The following CPQ variants were observed in gnomAD, a reference collection of about 807,000 sequenced individuals.
CPQ encodes Ser-Met dipeptidase.
CPQ carries 37 observed loss-of-function variants against 45.7 expected under a neutral mutation model. That is an observed-to-expected ratio of 0.81 (90% CI 0.62 to 1.07). The LOEUF is 1.07. Among genes scored for constraint, CPQ ranks in the 50% least tolerant of loss-of-function variants. CPQ has a pLI of 0.00. For missense variants in CPQ, 537 were observed against 572.9 expected, an observed-to-expected ratio of 0.94 and a Z score of 0.64; for synonymous variants, 186 against 205.8, an observed-to-expected ratio of 0.90 and a Z score of 0.82.
At chr8:97,064,643 A>G (rs1356807782) in intron 6 of CPQ, among the ~76,000 whole-genome samples, 7 of 152,228 alleles carry the variant, frequency 4.6e-5, no homozygotes, top group African/African-American at 9.6e-5. Flanking sequence ...TGCCGGCAAC[A>G]TCTTTCTTTA....
At chr8:96,885,542 G>T (rs2130885378) in intron 4 of CPQ, among the ~76,000 whole-genome samples, 1 of 152,318 alleles carries the variant, frequency 6.6e-6, no homozygotes, top group East Asian at 1.9e-4. Context: ...CAGTTAGCAT[G>T]TAAATAATCC....
rs889752298 is a variant in CPQ, at chr8:96,751,082, T to C, written c.-34-33782T>C. Among the ~76,000 whole-genome samples, 75 of 152,218 alleles carry C rather than the reference T, an allele frequency of 4.9e-4. 1 individual carries two copies. The highest frequency in any genetic ancestry group is 7.3e-5 in the Non-Finnish European group (5 of 68,036). ...TCCATGTCTTTGCTGTTGTGAATAG[T>C]GCTGCAATGAACATATATGTGCATG... On this transcript the variant is annotated intron_variant, in intron 1 of 7. Transcript: ENST00000220763.
chr8:96,914,029 A>G (rs1330512694), intron 4 of CPQ, among the ~76,000 whole-genome samples: 1 of 151,978 alleles, frequency 6.6e-6, no homozygotes, highest in Admixed American at 6.6e-5. Flanking sequence ...AAGTTGAGAT[A>G]TGTAGACAAA....
At position 97,010,650 on chromosome 8, in the gene CPQ, C is replaced by T. The variant is rs78510021; in HGVS notation, c.962-18753C>T. Reference sequence around the variant, plus strand: ...AAATACTTTCACAGTTATGTAATCGCTCTCCACAAATTCACTCTTTGATCA... The same window carrying T: ...AAATACTTTCACAGTTATGTAATCGTTCTCCACAAATTCACTCTTTGATCA... On this transcript the variant is annotated intron_variant, in intron 5 of 7. Coordinates refer to ENST00000220763, the MANE Select transcript of CPQ (RefSeq NM_016134.4). Among the ~76,000 whole-genome samples the T allele has an allele frequency of 1.9e-3, 288 of 152,240 alleles. 1 individual carries two copies. The highest frequency in any genetic ancestry group is 6.5e-3 in the African/African-American group (268 of 41,540).
intron 5 of CPQ, among the ~76,000 whole-genome samples, chr8:96,972,978 T>C (rs1422989365): frequency 6.6e-6 from 1 of 152,008 alleles, no homozygotes; most frequent in Admixed American, 6.6e-5. Context: ...ACAAGTTTCT[T>C]TTACATCCCC....
chr8:96,767,855 G>C (rs1365168589), intron 1 of CPQ, among the ~76,000 whole-genome samples: 1 of 151,828 alleles, frequency 6.6e-6, no homozygotes, highest in African/African-American at 2.4e-5. Flanking sequence ...TGTTGGCCAG[G>C]CTGGTCTCGA....
intron 2 of CPQ, among the ~76,000 whole-genome samples, chr8:96,796,573 T>C (rs1194242532): frequency 6.6e-6 from 1 of 152,188 alleles, no homozygotes; most frequent in Non-Finnish European, 1.5e-5. Context: ...CAAAGTTGAC[T>C]AATTTCCACT....
At chr8:96,829,510 A>G (rs1207296406) in intron 2 of CPQ, among the ~76,000 whole-genome samples, 1 of 152,144 alleles carries the variant, frequency 6.6e-6, no homozygotes, top group Non-Finnish European at 1.5e-5. Flanking sequence ...AAAAGTTGGA[A>G]GATCATAGAG....
chr8:96,957,188 G>C (rs1369314193), intron 4 of CPQ, among the ~76,000 whole-genome samples: 1 of 152,180 alleles, frequency 6.6e-6, no homozygotes, highest in African/African-American at 2.4e-5. Context: ...TGGAACTTGA[G>C]GTGATTGACT....
intron 1 of CPQ, among the ~76,000 whole-genome samples, chr8:96,776,842 T>C (rs1810611118): frequency 6.6e-6 from 1 of 152,188 alleles, no homozygotes; most frequent in Non-Finnish European, 1.5e-5. Flanking sequence ...TTTGAATATA[T>C]AACTTCTGAA....
chr8:97,084,653 A>T (rs924727707), intron 7 of CPQ, among the ~76,000 whole-genome samples: 1 of 152,186 alleles, frequency 6.6e-6, no homozygotes, highest in Admixed American at 6.5e-5. Context: ...GTGTCTCCCT[A>T]TGCCTTGGTT....
intron 4 of CPQ, among the ~76,000 whole-genome samples, chr8:96,950,595 C>T (rs1471961293): frequency 2.0e-5 from 3 of 152,232 alleles, no homozygotes; most frequent in East Asian, 3.9e-4. Flanking sequence ...TCCCAGCCCC[C>T]TACCACCAGG....
At chr8:96,726,760 C>T (rs1809847492) in intron 1 of CPQ, among the ~76,000 whole-genome samples, 1 of 152,076 alleles carries the variant, frequency 6.6e-6, no homozygotes, top group South Asian at 2.1e-4. Flanking sequence ...ACCACATCAT[C>T]ATGGGAGTGG....
chr8:97,006,746 A>G (rs1650784517), intron 5 of CPQ, among the ~76,000 whole-genome samples: 2 of 152,180 alleles, frequency 1.3e-5, no homozygotes, highest in African/African-American at 4.8e-5. Context: ...CTGGCAACCC[A>G]GGAGGACCCA....
intron 3 of CPQ, among the ~76,000 whole-genome samples, chr8:96,852,657 G>T (rs1000287285): frequency 3.9e-5 from 6 of 152,094 alleles, no homozygotes; most frequent in Non-Finnish European, 8.8e-5. Context: ...CAGATAGACA[G>T]TATGAGCTCA....
intron 5 of CPQ, among the ~76,000 whole-genome samples, chr8:96,982,162 GT>G (rs1813912158): frequency 1.3e-5 from 2 of 152,272 alleles, no homozygotes; most frequent in African/African-American, 2.4e-5. Context: ...ACAAGGCAAT[GT>G]TCATAGTGGT....
chr8:96,947,395 C>T (rs775979624), intron 4 of CPQ, among the ~76,000 whole-genome samples: 1 of 151,778 alleles, frequency 6.6e-6, no homozygotes, highest in South Asian at 2.1e-4. Flanking sequence ...CAAATGTATC[C>T]CCATTGTCTC....
chr8:96,828,873 G>A (rs1811411152), intron 2 of CPQ, among the ~76,000 whole-genome samples: 1 of 152,090 alleles, frequency 6.6e-6, no homozygotes, highest in African/African-American at 2.4e-5. Context: ...AGATACTCCA[G>A]TCTGAGTGCC....
At chr8:96,666,465 T>C (rs1808926203) in intron 1 of CPQ, among the ~76,000 whole-genome samples, 1 of 152,208 alleles carries the variant, frequency 6.6e-6, no homozygotes, top group Admixed American at 6.5e-5. Context: ...CTTGAGTCAT[T>C]CCAGCTCTGT....
Sources: gnomAD v4.1 joint callset for allele counts (sites outside exome capture counted in the v4.1 genomes callset) on GRCh38, gnomAD v4.1.1 for gene constraint, MANE v1.5 for transcripts, NCBI Gene and HGNC (gene_info 2026-07-23, HGNC 2026-07-21) for gene names.